The following MGAM variants were observed in gnomAD, a reference collection of about 807,000 sequenced individuals.
MGAM encodes the protein alpha-1,4-glucosidase.
MGAM carries 253 observed loss-of-function variants against 358.8 expected under a neutral mutation model. The observed-to-expected ratio is 0.71, with a 90% CI of 0.64 to 0.78. The LOEUF (loss-of-function observed/expected upper bound fraction) is 0.78. Ranked by LOEUF, MGAM falls within the 30% of genes least tolerant of loss-of-function variation. MGAM has a pLI of 0.00. For synonymous variants in MGAM, 1,105 were observed against 1,227.1 expected (o/e 0.90, Z 2.08); for missense variants, 3,080 against 3,432.6 (o/e 0.90, Z 2.57).
At chr7:142,089,858 A>G (rs1815202320) in intron 57 of MGAM, among the ~76,000 whole-genome samples, 1 of 146,198 alleles carries the variant, frequency 6.8e-6, no homozygotes, top group Non-Finnish European at 1.5e-5. Flanking sequence ...CACCAACCTA[A>G]TATTTATATT....
intron 34 of MGAM, among the ~76,000 whole-genome samples, chr7:142,061,411 A>G (rs533412304): frequency 1.3e-5 from 2 of 152,204 alleles, no homozygotes; most frequent in African/African-American, 2.4e-5. Context: ...AACAAAAGGC[A>G]TCCCTGGCAT....
chr7:142,096,980 G>C (rs1815976208), intron 65 of MGAM, among the ~76,000 whole-genome samples: 1 of 150,308 alleles, frequency 6.7e-6, no homozygotes, highest in Non-Finnish European at 1.5e-5. Flanking sequence ...CCAGGCTGGA[G>C]TGCAGTGGTG....
intron 2 of MGAM, among the ~76,000 whole-genome samples, chr7:141,988,737 T>A (rs1459956052): frequency 2.0e-5 from 3 of 152,214 alleles, no homozygotes; most frequent in African/African-American, 7.2e-5. Context: ...TACTTGTGTG[T>A]GCATGTGTTC....
rs1816825634 is a variant in MGAM, at chr7:142,105,887, T to A, written c.8258T>A (p.Leu2753Gln). 1.2e-6 allele frequency: 2 copies of A among 1,606,116 alleles called. No individual in the cohort carries two copies. Among genetic ancestry groups the A allele is most frequent in the Non-Finnish European group, 1.7e-6 (2 of 1,173,070 alleles). Residue 2753 changes from leucine to glutamine, a missense_variant, in exon 71 of 71, where the codon CTG becomes CAG. Physicochemically the swap from Leu to Gln is moderately radical, Grantham distance 113 (BLOSUM62 -2). This residue lies in a region of MGAM where 194 missense variants were observed against 172.8 expected (regional missense o/e 1.12). Transcript: ENST00000475668. ...ACTTCATTGACGTGGATAAGCACTC[T>A]GTGAATTTTTACAGCAAGATTCTAA... ...NFTSLTWISTL is the reference protein window; with the variant it reads ...NFTSLTWISTQ
At chr7:142,057,483 ATGT>A (rs1258435679) in intron 30 of MGAM, among the ~76,000 whole-genome samples, 3 of 120,824 alleles carry the variant, frequency 2.5e-5, no homozygotes, top group East Asian at 2.9e-4. Flanking sequence ...GAGGAGTGTG[ATGT>A]TGGTGATAGT....
rs782132527 is a variant in MGAM, at chr7:142,036,327, C to T, written c.2076+42C>T. On this transcript the variant is annotated intron_variant, in intron 17 of 70. Transcript: ENST00000475668. ...ATAGAGTCAGAATAAATTTGGCATACATTAGGACTAGATCTGTCTGCATCC... is the reference window on the plus strand; with the variant it reads ...ATAGAGTCAGAATAAATTTGGCATATATTAGGACTAGATCTGTCTGCATCC... 2.1e-5 allele frequency: 30 copies of T among 1,436,930 alleles called. No individual in the cohort carries two copies. In the East Asian group the frequency reaches 5.1e-4, roughly 24 times the overall value. The allele number at this position is 1,436,930 out of a possible 1,614,324, so 89.0% of individuals were successfully genotyped here.
chr7:142,065,954 T>TTG, intron 40 of MGAM, 123 bp downstream of exon 40: 1 of 762,470 alleles, frequency 1.3e-6, no homozygotes, highest in Non-Finnish European at 1.9e-6. Flanking sequence ...TTTTTTTTTG[T>TTG]TTTGTTTTGT....
chr7:142,093,244 C>A (rs558955867), intron 59 of MGAM, among the ~76,000 whole-genome samples, 168 bp from the exon 60 acceptor site: 3 of 146,466 alleles, frequency 2.0e-5, no homozygotes, highest in Non-Finnish European at 4.6e-5. Flanking sequence ...CTGGAGCCGC[C>A]GTTGCAGCTC....
rs1055936855 is a variant in MGAM, at chr7:142,079,749, CAG to C, written c.5847+744_5847+745del. 1.6e-4 allele frequency among the ~76,000 whole-genome samples: 23 copies of C among 146,352 alleles called. 4 individuals carry two copies. Among genetic ancestry groups the C allele is most frequent in the Admixed American group, 7.6e-4 (11 of 14,558 alleles). On this transcript the variant is annotated intron_variant, in intron 49 of 70. Coordinates refer to ENST00000475668, the MANE Select transcript of MGAM (RefSeq NM_001365693.1). ...ATAGTTAGTGCTGTAATGTAATTGACAGAGTAAGTGAAAGTGATCAGGACATT... is the reference window on the plus strand; with the variant it reads ...ATAGTTAGTGCTGTAATGTAATTGACAGTAAGTGAAAGTGATCAGGACATT...
intron 21 of MGAM, among the ~76,000 whole-genome samples, chr7:142,046,944 G>A (rs1810463130): frequency 6.6e-6 from 1 of 151,984 alleles, no homozygotes; most frequent in African/African-American, 2.4e-5. Flanking sequence ...GTATCTCATT[G>A]ACTTCTTAGA....
In MGAM at chr7:142,037,111, A is replaced by G. The variant is rs1253804159; in HGVS notation, c.2231+134A>G. ...CTATCTGTATCTATATCTGTAATCT[A>G]GCTATCTATATTCATTAATCTATCT... On this transcript the variant is annotated intron_variant, in intron 18 of 70. Coordinates refer to ENST00000475668, the MANE Select transcript of MGAM (RefSeq NM_001365693.1). The G allele has an allele frequency of 1.0e-5, 9 of 903,478 alleles. 1 individual carries two copies. The highest frequency in any genetic ancestry group is 2.3e-4 in the Middle Eastern group (1 of 4,326). The allele number at this position is 903,478 out of a possible 1,614,324, so 56.0% of individuals were successfully genotyped here. A position where few individuals can be genotyped will look rare whatever the true frequency, so the allele number is the denominator to read the frequency against.
At position 142,045,805 on chromosome 7, in the gene MGAM, C is replaced by T. The variant is rs1292325286; in HGVS notation, c.2499-1980C>T. 3.4e-4 allele frequency among the ~76,000 whole-genome samples: 42 copies of T among 122,306 alleles called. 12 individuals are homozygous for T. The highest frequency in any genetic ancestry group is 1.2e-3 in the African/African-American group (37 of 29,948). The allele number at this position is 122,306 out of a possible 152,430, so 80.2% of individuals were successfully genotyped here. A position where few individuals can be genotyped will look rare whatever the true frequency, so the allele number is the denominator to read the frequency against. On this transcript the variant is annotated intron_variant, in intron 21 of 70. Coordinates refer to ENST00000475668, the MANE Select transcript of MGAM (RefSeq NM_001365693.1). The stretch of plus-strand genomic sequence containing the variant: ...ATAATATACATATCGTATATACATA[C>T]AATGTATGAATATATGATATATATT...
chr7:141,994,978 G>T (rs1162731085), upstream of MGAM, among the ~76,000 whole-genome samples: 2 of 152,178 alleles, frequency 1.3e-5, no homozygotes, highest in Non-Finnish European at 2.9e-5. Flanking sequence ...GGTAGTTGGG[G>T]AAGTTATGAA....
chr7:142,025,703 C>A (rs1584937945), intron 8 of MGAM, among the ~76,000 whole-genome samples: 1 of 152,126 alleles, frequency 6.6e-6, no homozygotes, highest in African/African-American at 2.4e-5. Context: ...AATGCTGTAG[C>A]CTCCACACGC....
intron 2 of MGAM, among the ~76,000 whole-genome samples, chr7:141,990,593 T>C (rs1409890291): frequency 7.9e-5 from 12 of 152,214 alleles, no homozygotes; most frequent in Admixed American, 7.8e-4. Flanking sequence ...GTGTCCCTGA[T>C]TGTCTCACAA....
Position 142,034,813 on chromosome 7 carries a change from T to C in MGAM, c.1931T>C (p.Leu644Pro). 1 of 1,612,944 alleles carries C rather than the reference T, an allele frequency of 6.2e-7. No homozygotes were observed. Residue 644 changes from leucine (L) to proline (P), a missense_variant, in exon 16 of 71, where the codon CTT (leucine) becomes CCT (proline). Leu to Pro is a moderately conservative substitution (Grantham distance 98). Around this residue, in one of 5 missense-constraint regions of MGAM, gnomAD observed 1,816 missense variants for 1,840.5 expected, o/e 0.99. Coordinates refer to ENST00000475668, the MANE Select transcript of MGAM (RefSeq NM_001365693.1). ...CTGAGATGGTCCATCCCTGGCGTGC[T>C]TGAGTTCAACCTTTTTGGCATCCCA... ...DDLRWSIPGV[L>P]EFNLFGIPMV...
intron 53 of MGAM, among the ~76,000 whole-genome samples, chr7:142,083,624 A>G: frequency 6.8e-6 from 1 of 146,528 alleles, no homozygotes; most frequent in Admixed American, 6.9e-5. Context: ...TTACAGTGGT[A>G]CTAGTGGTGG....
Position 142,083,949 on chromosome 7 carries a change from G to A in MGAM, c.6381+536G>A, listed in dbSNP as rs1215652316. On this transcript the variant is annotated intron_variant, in intron 53 of 70. Coordinates refer to ENST00000475668, the MANE Select transcript of MGAM (RefSeq NM_001365693.1). Reference sequence around the variant, plus strand: ...ACAGTGGGGTGGTGTGAAGAATATGGTGGTGGTAGTGGTGGTGATGGTGAA... The same window carrying A: ...ACAGTGGGGTGGTGTGAAGAATATGATGGTGGTAGTGGTGGTGATGGTGAA... Among the ~76,000 whole-genome samples, 5 of 145,038 alleles carry A rather than the reference G, an allele frequency of 3.4e-5. No homozygotes were observed. The East Asian group carries it at 1.0e-3, about 29-fold the overall frequency.
In MGAM at chr7:142,057,728, C is replaced by T. The variant is rs185612564; in HGVS notation, c.3694-475C>T. Among the ~76,000 whole-genome samples, 126 of 152,136 alleles carry T rather than the reference C, an allele frequency of 8.3e-4. 1 individual carries two copies. Among genetic ancestry groups the T allele is most frequent in the African/African-American group, 2.8e-3 (115 of 41,472 alleles). ...ACAGACACTTACATACTACCAAGTG[C>T]GCATCACTGATTTATCACTTGCTGC... On this transcript the variant is annotated intron_variant, in intron 30 of 70. Coordinates refer to ENST00000475668, the MANE Select transcript of MGAM (RefSeq NM_001365693.1).
Sources: allele counts gnomAD v4.1 joint callset (sites outside exome capture counted in the v4.1 genomes callset), GRCh38; gene constraint gnomAD v4.1.1; regional missense constraint gnomAD v4.1.1; transcripts MANE v1.5; gene names NCBI Gene and HGNC (gene_info 2026-07-23, HGNC 2026-07-21).